NUDT5: variants seen among roughly 807,000 people sequenced by gnomAD.
The protein encoded by NUDT5 is nudix hydrolase 5.
A neutral mutation model predicts 34.1 loss-of-function variants in NUDT5; 21 were observed. The observed-to-expected ratio is 0.62, with a 90% CI of 0.44 to 0.89. The LOEUF (loss-of-function observed/expected upper bound fraction) is 0.89, where lower values mean the gene tolerates loss of function less well. NUDT5 is among the 40% of genes least tolerant of loss of function. NUDT5 has a pLI of 0.00. For missense variants in NUDT5, 249 were observed against 274.8 expected (o/e 0.91, Z 0.66); for synonymous variants, 85 against 97.6 (o/e 0.87, Z 0.76).
In NUDT5 at chr10:12,166,539, C is replaced by T. The variant is rs771635689; in HGVS notation, c.*1163G>A. On this transcript the variant is annotated 3_prime_UTR_variant, in exon 10 of 10. Coordinates refer to ENST00000491614, the MANE Select transcript of NUDT5 (RefSeq NM_014142.4). Reference sequence around the variant, plus strand: ...AAATATCCTGGGCTCAGACAGTGAGCCTGTGGACAAACGGAGGCTACTGCA... The same window carrying T: ...AAATATCCTGGGCTCAGACAGTGAGTCTGTGGACAAACGGAGGCTACTGCA... The T allele has an allele frequency of 3.1e-6, 1 of 318,834 alleles. No homozygotes were observed. The highest frequency in any genetic ancestry group is 2.2e-5 in the African/African-American group (1 of 45,950). 19.8% of individuals were successfully genotyped at this position (318,834 alleles called of 1,614,324 possible).
In NUDT5 at chr10:12,182,037, T is replaced by C. The variant is rs1392987914; in HGVS notation, c.131+2852A>G. 6.6e-6 allele frequency among the ~76,000 whole-genome samples: 1 copy of C among 150,488 alleles called. No individual in the cohort carries two copies. Among genetic ancestry groups the C allele is most frequent in the Non-Finnish European group, 1.5e-5 (1 of 67,806 alleles). On this transcript the variant is annotated intron_variant, in intron 3 of 9. Coordinates refer to ENST00000491614, the MANE Select transcript of NUDT5 (RefSeq NM_014142.4). The surrounding 1 kb of genome is among the most constrained non-coding windows in gnomAD (Gnocchi z 4.3). ...GTCCCAGCTACTCGAGTGGCTGAGA[T>C]AGAATTGCTAGAACCAGGGAGGTAG...
rs117035561 is a variant in NUDT5, at chr10:12,183,520, G to A, written c.131+1369C>T. ...ATCTATTTCATCACAAAGAAATCAT[G>A]TACTCTTATTGGATCACTTTGCAAA... On this transcript the variant is annotated intron_variant, in intron 3 of 9. Coordinates refer to ENST00000491614, the MANE Select transcript of NUDT5 (RefSeq NM_014142.4). 9.2e-3 allele frequency among the ~76,000 whole-genome samples: 1,404 copies of A among 152,292 alleles called. 9 individuals are homozygous for A. The highest frequency in any genetic ancestry group is 0.015 in the South Asian group (73 of 4,834).
At position 12,170,557 on chromosome 10, in the gene NUDT5, G is replaced by GA; in HGVS notation, c.550+159dup. On this transcript the variant is annotated intron_variant, in intron 9 of 9. Transcript: ENST00000491614. The surrounding 1 kb of genome is among the most constrained non-coding windows in gnomAD (Gnocchi z 4.9). ...TTCAAACTCTGTGCCACCCAGAAAGGAAAATTAGTAGTGGTCACCTGCAGT... is the reference window on the plus strand; with the variant it reads ...TTCAAACTCTGTGCCACCCAGAAAGGAAAAATTAGTAGTGGTCACCTGCAGT... 1 of 742,692 alleles carries GA rather than the reference G, an allele frequency of 1.3e-6. No homozygotes were observed. Among genetic ancestry groups the GA allele is most frequent in the Non-Finnish European group, 2.3e-6 (1 of 437,034 alleles). 46.0% of individuals were successfully genotyped at this position (742,692 alleles called of 1,614,324 possible).
At chr10:12,172,561 A>G in intron 7 of NUDT5, 1 of 588,036 alleles carries the variant, frequency 1.7e-6, no homozygotes, top group Non-Finnish European at 3.1e-6. Context: ...TTTTTTACAA[A>G]GAAAGCGTAA....
intron 3 of NUDT5, among the ~76,000 whole-genome samples, chr10:12,184,294 C>A (rs980380374): frequency 2.6e-5 from 4 of 152,090 alleles, no homozygotes; most frequent in Admixed American, 6.5e-5. Flanking sequence ...CGATGCCCCC[C>A]GCCCCGGCCC....
At chr10:12,180,542 G>C (rs1564425069) in intron 3 of NUDT5, 1 of 152,280 alleles carries the variant, frequency 6.6e-6, no homozygotes, top group South Asian at 2.1e-4. Flanking sequence ...TTAAGGTGAA[G>C]GAAACAAGCA....
chr10:12,174,482 G>A (rs1005462341), intron 5 of NUDT5, among the ~76,000 whole-genome samples: 7 of 151,124 alleles, frequency 4.6e-5, no homozygotes, highest in African/African-American at 1.5e-4. Flanking sequence ...TCACCATGTT[G>A]GCCAGGCTGC....
rs1351402197 is a variant in NUDT5 at position 12,182,293 on chromosome 10, G to A, written c.131+2596C>T. Among the ~76,000 whole-genome samples the A allele has an allele frequency of 2.0e-5, 3 of 152,190 alleles. No individual in the cohort carries two copies. The highest frequency in any genetic ancestry group is 4.4e-5 in the Non-Finnish European group (3 of 68,042). Reference sequence around the variant, plus strand: ...CCAGCTGGGGCATCATGTTGGCAATGAAAAGGTTTTGGATTTTGCAGCATT... The same window carrying A: ...CCAGCTGGGGCATCATGTTGGCAATAAAAAGGTTTTGGATTTTGCAGCATT... On this transcript the variant is annotated intron_variant, in intron 3 of 9. Transcript: ENST00000491614. The surrounding 1 kb of genome is among the most constrained non-coding windows in gnomAD (Gnocchi z 4.3).
In NUDT5 at chr10:12,173,218, A is replaced by AT. The variant is rs374277414; in HGVS notation, c.386-353dup. 2.0e-5 allele frequency among the ~76,000 whole-genome samples: 3 copies of AT among 152,150 alleles called. No individual in the cohort carries two copies. Among genetic ancestry groups the AT allele is most frequent in the African/African-American group, 7.2e-5 (3 of 41,442 alleles). On this transcript the variant is annotated intron_variant, in intron 6 of 9. Coordinates refer to ENST00000491614, the MANE Select transcript of NUDT5 (RefSeq NM_014142.4). This position sits in a 1 kb window ranked among gnomAD's most constrained non-coding sequence, Gnocchi z 4.7. ...GGTAGGAAATTCCTAAAGGCAATTG[A>AT]TTTTTTGAGACAGAGTTTCACTTTG...
rs1834893466 is a variant in NUDT5 at position 12,173,392 on chromosome 10, T to TG, written c.385+325dup. ...CTAATTTTTGTATTTTTAGTAGAGATGGGTTTCACCATGTTGGTCAGGCTG... is the reference window on the plus strand; with the variant it reads ...CTAATTTTTGTATTTTTAGTAGAGATGGGGTTTCACCATGTTGGTCAGGCTG... On this transcript the variant is annotated intron_variant, in intron 6 of 9. Coordinates refer to ENST00000491614, the MANE Select transcript of NUDT5 (RefSeq NM_014142.4). This position sits in a 1 kb window ranked among gnomAD's most constrained non-coding sequence, Gnocchi z 4.7. Among the ~76,000 whole-genome samples the TG allele has an allele frequency of 6.6e-6, 1 of 152,126 alleles. No homozygotes were observed. Among genetic ancestry groups the TG allele is most frequent in the Non-Finnish European group, 1.5e-5 (1 of 68,008 alleles).
At position 12,167,701 on chromosome 10, in the gene NUDT5, C is replaced by T; in HGVS notation, c.*1G>A. ...AAAAATGGCCAGTGTCATATTTGGG[C>T]TTAAAATTTCAAGAAGGGCACTTCA... is the stretch of plus-strand genomic sequence containing the variant. On this transcript the variant is annotated 3_prime_UTR_variant, in exon 10 of 10. Coordinates refer to ENST00000491614, the MANE Select transcript of NUDT5 (RefSeq NM_014142.4). 3 of 1,613,960 alleles carry T rather than the reference C, an allele frequency of 1.9e-6. No individual in the cohort carries two copies. Among genetic ancestry groups the T allele is most frequent in the Non-Finnish European group, 2.5e-6 (3 of 1,179,918 alleles).
intron 3 of NUDT5, chr10:12,184,589 TA>T: frequency 1.4e-6 from 2 of 1,435,712 alleles, no homozygotes; most frequent in Non-Finnish European, 1.9e-6. Flanking sequence ...TACTGTTAAT[TA>T]TTCTGTCACC....
intron 7 of NUDT5, 87 bp downstream of exon 7, chr10:12,172,678 A>G (rs888941861): frequency 1.2e-6 from 1 of 825,340 alleles, no homozygotes; most frequent in Non-Finnish European, 2.1e-6. Flanking sequence ...ATGAAAGACT[A>G]CATTCTTTTA....
chr10:12,165,538 C>T lies in NUDT5; in HGVS notation c.*2164G>A, dbSNP rs1199220387. 5.0e-6 allele frequency: 1 copy of T among 198,720 alleles called. No individual in the cohort carries two copies. Among genetic ancestry groups the T allele is most frequent in the African/African-American group, 2.4e-5 (1 of 42,306 alleles). The allele number at this position is 198,720 out of a possible 1,614,324, so 12.3% of individuals were successfully genotyped here. ...TATTGACAGATAGATAGATAGTGAC[C>T]AACTTAAGGGTAATCATATATGTGA... On this transcript the variant is annotated 3_prime_UTR_variant, in exon 10 of 10. Coordinates refer to ENST00000491614, the MANE Select transcript of NUDT5 (RefSeq NM_014142.4).
rs1206530928 is a variant in NUDT5, at chr10:12,169,356, T to TG, written c.550+1360dup. 2.7e-6 allele frequency: 4 copies of TG among 1,464,630 alleles called. No homozygotes were observed. The highest frequency in any genetic ancestry group is 3.7e-6 in the Non-Finnish European group (4 of 1,073,590). The allele number at this position is 1,464,630 out of a possible 1,614,324, so 90.7% of individuals were successfully genotyped here. A position where few individuals can be genotyped will look rare whatever the true frequency, so the allele number is the denominator to read the frequency against. On this transcript the variant is annotated intron_variant, in intron 9 of 9. Coordinates refer to ENST00000491614, the MANE Select transcript of NUDT5 (RefSeq NM_014142.4). The surrounding 1 kb of genome is among the most constrained non-coding windows in gnomAD (Gnocchi z 4.8). Reference sequence around the variant, plus strand: ...ATAACCCCGCACGGCATTTCACACTTGCCTACGTCACCCTGCTTTCCACGC... The same window carrying TG: ...ATAACCCCGCACGGCATTTCACACTTGGCCTACGTCACCCTGCTTTCCACGC...
rs868651178 is a variant in NUDT5, at chr10:12,166,536, G to T, written c.*1166C>A. On this transcript the variant is annotated 3_prime_UTR_variant, in exon 10 of 10. Coordinates refer to ENST00000491614, the MANE Select transcript of NUDT5 (RefSeq NM_014142.4). ...TAAAAATATCCTGGGCTCAGACAGT[G>T]AGCCTGTGGACAAACGGAGGCTACT... The T allele has an allele frequency of 3.2e-6, 1 of 311,810 alleles. No individual in the cohort carries two copies. Among genetic ancestry groups the T allele is most frequent in the African/African-American group, 2.2e-5 (1 of 45,730 alleles). The allele number at this position is 311,810 out of a possible 1,614,324, so 19.3% of individuals were successfully genotyped here.
At position 12,170,953 on chromosome 10, in the gene NUDT5, G is replaced by A. The variant is rs1415941188; in HGVS notation, c.488-45C>T. 6.2e-7 allele frequency: 1 copy of A among 1,606,034 alleles called. No individual in the cohort carries two copies. The highest frequency in any genetic ancestry group is 8.5e-7 in the Non-Finnish European group (1 of 1,175,596). ...AAACATTTCAGCAAGGCCTGGAGTG[G>A]TAACATCGGAAGACTTTTATACAAG... On this transcript the variant is annotated intron_variant, in intron 7 of 9. Coordinates refer to ENST00000491614, the MANE Select transcript of NUDT5 (RefSeq NM_014142.4). This position sits in a 1 kb window ranked among gnomAD's most constrained non-coding sequence, Gnocchi z 4.9.
intron 3 of NUDT5, chr10:12,184,480 A>G: frequency 6.5e-7 from 1 of 1,550,210 alleles, no homozygotes; most frequent in Non-Finnish European, 8.7e-7. Flanking sequence ...CATTTCCATG[A>G]GGCAGGCACG....
In NUDT5 at chr10:12,181,357, C is replaced by G. The variant is rs1253872368; in HGVS notation, c.132-2225G>C. ...ATCTGCAGGGGGTCCTGGAACCAAC[C>G]CCGACAGACACCAAGTGACAGCTGT... is the stretch of plus-strand genomic sequence containing the variant. On this transcript the variant is annotated intron_variant, in intron 3 of 9. Transcript: ENST00000491614. The surrounding 1 kb of genome is among the most constrained non-coding windows in gnomAD (Gnocchi z 5.0). Among the ~76,000 whole-genome samples, 1 of 152,170 alleles carries G rather than the reference C, an allele frequency of 6.6e-6. No homozygotes were observed. The highest frequency in any genetic ancestry group is 1.9e-4 in the East Asian group (1 of 5,196).
Sources: gnomAD v4.1 joint callset for allele counts (sites outside exome capture counted in the v4.1 genomes callset) on GRCh38, gnomAD v4.1.1 for gene constraint, Gnocchi (gnomAD v3.1) non-coding constraint, MANE v1.5 for transcripts, NCBI Gene and HGNC (gene_info 2026-07-23, HGNC 2026-07-21) for gene names.